KIAA1217: variants seen among roughly 807,000 people sequenced by gnomAD.
The protein encoded by KIAA1217 is KIAA1217, also known as sickle tail protein homolog.
Under a neutral mutation model 163.9 loss-of-function variants are expected in KIAA1217, and 88 were observed. The observed-to-expected ratio is 0.54, with a 90% CI of 0.45 to 0.64. The LOEUF is 0.64. KIAA1217 is among the 30% of genes least tolerant of loss of function. The pLI, the probability that KIAA1217 is intolerant of heterozygous loss-of-function variation, is 0.00. For missense variants in KIAA1217, 2,372 were observed against 2,475.0 expected (o/e 0.96, Z 0.88); for synonymous variants, 903 against 923.1 (o/e 0.98, Z 0.39).
intron 1 of KIAA1217, among the ~76,000 whole-genome samples, chr10:23,721,299 G>A (rs1837862408): frequency 6.6e-6 from 1 of 152,170 alleles, no homozygotes; most frequent in South Asian, 2.1e-4. Context: ...ATTTTGGAAA[G>A]TGATTTAGGG....
intron 5 of KIAA1217, among the ~76,000 whole-genome samples, chr10:24,448,954 A>T (rs2061181620): frequency 2.0e-5 from 3 of 152,234 alleles, no homozygotes; most frequent in Admixed American, 2.0e-4. Context: ...AATTTTTCAC[A>T]TAAGTTCAGG....
intron 2 of KIAA1217, chr10:24,158,680 GCC>G (rs1273756525): frequency 2.0e-6 from 1 of 509,252 alleles, no homozygotes; most frequent in Admixed American, 2.3e-5. Context: ...TAGGATTTCT[GCC>G]ATGAGACCTC....
chr10:24,327,477 T>C (rs1564477957), intron 2 of KIAA1217, among the ~76,000 whole-genome samples: 1 of 152,168 alleles, frequency 6.6e-6, no homozygotes, highest in Admixed American at 6.6e-5. Context: ...CAATACTCTT[T>C]GACATATGTA....
At chr10:24,397,420 C>T (rs963081880) in intron 3 of KIAA1217, among the ~76,000 whole-genome samples, 1 of 152,110 alleles carries the variant, frequency 6.6e-6, no homozygotes, top group African/African-American at 2.4e-5. Flanking sequence ...GGATATGATG[C>T]AAACATCACC....
At chr10:23,949,909 G>A (rs1844249930) in intron 1 of KIAA1217, among the ~76,000 whole-genome samples, 1 of 152,172 alleles carries the variant, frequency 6.6e-6, no homozygotes, top group African/African-American at 2.4e-5. Context: ...ACCACTTACT[G>A]AGCATTCCCT....
At chr10:23,993,799 T>C (rs570199497) in intron 1 of KIAA1217, among the ~76,000 whole-genome samples, 1 of 152,084 alleles carries the variant, frequency 6.6e-6, no homozygotes, top group Admixed American at 6.5e-5. Flanking sequence ...AGGCTGGTCT[T>C]GAACTCCAGA....
At chr10:24,362,710 T>TTA (rs919713506) in intron 2 of KIAA1217, among the ~76,000 whole-genome samples, 11 of 152,294 alleles carry the variant, frequency 7.2e-5, no homozygotes, top group African/African-American at 2.6e-4. Context: ...AGAAAGTCTC[T>TTA]AATTTCTGGG....
chr10:24,362,791 C>T (rs969020953), intron 2 of KIAA1217, among the ~76,000 whole-genome samples: 2 of 152,060 alleles, frequency 1.3e-5, no homozygotes, highest in Admixed American at 6.6e-5. Flanking sequence ...ACTTGAGGCC[C>T]GGAGTTCGAT....
At chr10:24,406,028 A>G (rs1374404077) in intron 3 of KIAA1217, among the ~76,000 whole-genome samples, 1 of 152,214 alleles carries the variant, frequency 6.6e-6, no homozygotes, top group African/African-American at 2.4e-5. Context: ...GATTTCATTG[A>G]CCAAAGTGTG....
intron 1 of KIAA1217, among the ~76,000 whole-genome samples, chr10:24,002,637 C>A (rs1846797911): frequency 6.6e-6 from 1 of 152,096 alleles, no homozygotes; most frequent in Non-Finnish European, 1.5e-5. Flanking sequence ...TCTTTTATAT[C>A]CTTCAAATGC....
intron 2 of KIAA1217, among the ~76,000 whole-genome samples, chr10:24,232,004 G>A (rs2071482367): frequency 6.6e-6 from 1 of 152,154 alleles, no homozygotes; most frequent in African/African-American, 2.4e-5. Context: ...ACGTTGGCCA[G>A]GGTGGTCTCA....
intron 2 of KIAA1217, among the ~76,000 whole-genome samples, chr10:24,188,588 T>C (rs184141393): frequency 6.6e-6 from 1 of 152,232 alleles, no homozygotes; most frequent in African/African-American, 2.4e-5. Flanking sequence ...CTGCTGCCTA[T>C]TTCAGTTTAT....
At chr10:24,330,765 C>T (rs954240286) in intron 2 of KIAA1217, among the ~76,000 whole-genome samples, 1 of 151,530 alleles carries the variant, frequency 6.6e-6, no homozygotes, top group African/African-American at 2.4e-5. Flanking sequence ...CAGGTGCATG[C>T]CACCACACCA....
At chr10:23,774,135 T>C (rs921748221) in intron 1 of KIAA1217, among the ~76,000 whole-genome samples, 11 of 152,132 alleles carry the variant, frequency 7.2e-5, no homozygotes, top group Admixed American at 7.2e-4. Context: ...ATATGTCCCA[T>C]CAATACCTAA....
At chr10:24,326,753 A>G (rs531854589) in intron 2 of KIAA1217, among the ~76,000 whole-genome samples, 12 of 152,218 alleles carry the variant, frequency 7.9e-5, no homozygotes, top group African/African-American at 2.9e-4. Context: ...ATGGAACTTT[A>G]ATTGCCTTTG....
upstream of KIAA1217, among the ~76,000 whole-genome samples, chr10:24,207,224 G>A (rs1248996953): frequency 6.6e-6 from 1 of 151,854 alleles, no homozygotes; most frequent in Non-Finnish European, 1.5e-5. Flanking sequence ...ACCAAAGGCT[G>A]CGGGACATCT....
intron 2 of KIAA1217, among the ~76,000 whole-genome samples, chr10:24,086,545 G>A (rs1195884934): frequency 2.0e-5 from 3 of 152,194 alleles, no homozygotes; most frequent in African/African-American, 7.2e-5. Flanking sequence ...CAAGGATGCA[G>A]TCTAAGTGAA....
intron 2 of KIAA1217, among the ~76,000 whole-genome samples, chr10:24,146,293 T>C (rs1017093207): frequency 7.9e-5 from 12 of 152,230 alleles, no homozygotes; most frequent in Non-Finnish European, 1.5e-4. Context: ...AAGTTGCCCA[T>C]TCTAAGTTTT....
rs12243905 is a variant in KIAA1217 at position 23,995,600 on chromosome 10, T to G, written c.-320-11625T>G. Among the ~76,000 whole-genome samples, 1,280 of 152,210 alleles carry G rather than the reference T, an allele frequency of 8.4e-3. 16 individuals carry two copies. Among genetic ancestry groups the G allele is most frequent in the African/African-American group, 0.029 (1,200 of 41,518 alleles). ...TATTTCCTAAGTAATATTTTCTCAG[T>G]GCAATTTTGCAAATGTAAGATACCC... is the stretch of plus-strand genomic sequence containing the variant. On this transcript the variant is annotated intron_variant, in intron 1 of 18. Transcript: ENST00000376462.
Sources: gnomAD v4.1 joint callset for allele counts (sites outside exome capture counted in the v4.1 genomes callset) on GRCh38, gnomAD v4.1.1 for gene constraint, MANE v1.5 for transcripts, NCBI Gene and HGNC (gene_info 2026-07-23, HGNC 2026-07-21) for gene names.